Variants in DCHS2 observed in about 807,000 individuals in gnomAD.
DCHS2 encodes the protein dachsous cadherin-related 2.
A neutral mutation model predicts 182.4 loss-of-function variants in DCHS2; 142 were observed. The ratio of observed to expected loss-of-function variants is 0.78; its 90% CI spans 0.68 to 0.89. The LOEUF (loss-of-function observed/expected upper bound fraction) is 0.89. Ranked by LOEUF, DCHS2 falls within the 40% of genes least tolerant of loss-of-function variation. DCHS2 has a pLI of 0.00. For synonymous variants in DCHS2, 1,740 were observed against 1,663.3 expected (o/e 1.05, Z -1.12); for missense variants, 4,319 against 4,198.6 (o/e 1.03, Z -0.79).
intron 1 of DCHS2, among the ~76,000 whole-genome samples, chr4:154,434,959 G>A (rs1245878360): frequency 3.3e-5 from 5 of 152,114 alleles, no homozygotes; most frequent in Non-Finnish European, 7.3e-5. Flanking sequence ...AGGGAGACAT[G>A]CTGCATAAAG....
intron 1 of DCHS2, chr4:154,486,411 A>T: frequency 7.7e-7 from 1 of 1,304,024 alleles, no homozygotes; most frequent in South Asian, 1.2e-5. Flanking sequence ...GTTTGTTTTT[A>T]TCAGATGACA....
intron 1 of DCHS2, among the ~76,000 whole-genome samples, chr4:154,487,985 C>T (rs947017340): frequency 2.6e-5 from 4 of 151,978 alleles, no homozygotes; most frequent in African/African-American, 9.7e-5. Flanking sequence ...CGAGACCAGC[C>T]TGGGGAACAC....
chr4:154,286,923 C>T (rs2111249832), intron 13 of DCHS2, among the ~76,000 whole-genome samples: 1 of 152,106 alleles, frequency 6.6e-6, no homozygotes, highest in South Asian at 2.1e-4. Context: ...AATAAACTCC[C>T]AAATGTCAAG....
intron 7 of DCHS2, chr4:154,323,058 T>G (rs539743147): frequency 2.7e-4 from 203 of 755,224 alleles, no homozygotes; most frequent in African/African-American, 2.6e-3. Context: ...AATCTATGGA[T>G]TCCTGCCACC....
chr4:154,401,288 G>T (rs990636004), intron 1 of DCHS2, among the ~76,000 whole-genome samples: 3 of 152,098 alleles, frequency 2.0e-5, no homozygotes, highest in Non-Finnish European at 4.4e-5. Context: ...ACGGACATCT[G>T]TTATTTCCAT....
chr4:154,370,260 T>A (rs1329393073), intron 2 of DCHS2, among the ~76,000 whole-genome samples: 2 of 151,328 alleles, frequency 1.3e-5, no homozygotes, highest in Non-Finnish European at 3.0e-5. Context: ...TAAAAATAAA[T>A]AAAGAATCCC....
chr4:154,423,000 A>G (rs1733173575), intron 1 of DCHS2, among the ~76,000 whole-genome samples: 2 of 152,224 alleles, frequency 1.3e-5, no homozygotes, highest in Non-Finnish European at 2.9e-5. Context: ...TAACAGTGTT[A>G]TAACTGTTAA....
chr4:154,244,664 T>C (rs1731991843), intron 16 of DCHS2, among the ~76,000 whole-genome samples: 1 of 152,188 alleles, frequency 6.6e-6, no homozygotes, highest in African/African-American at 2.4e-5. Context: ...TCCTTCTTGG[T>C]TTGAATTCCA....
intron 1 of DCHS2, among the ~76,000 whole-genome samples, chr4:154,413,918 G>C (rs1732726124): frequency 6.6e-6 from 1 of 152,070 alleles, no homozygotes; most frequent in Non-Finnish European, 1.5e-5. Flanking sequence ...TAATTTGCAT[G>C]CTCTGTCTTC....
chr4:154,345,559 A>G (rs557239380), intron 3 of DCHS2, among the ~76,000 whole-genome samples: 60 of 152,356 alleles, frequency 3.9e-4, no homozygotes, highest in African/African-American at 1.3e-3. Flanking sequence ...AGTCCTAATT[A>G]TGCCACCCTT....
chr4:154,447,668 G>A (rs965405234), intron 1 of DCHS2, among the ~76,000 whole-genome samples: 6 of 152,164 alleles, frequency 3.9e-5, no homozygotes, highest in Non-Finnish European at 7.4e-5. Context: ...GTATTCTCAA[G>A]AGGGCTTTAA....
Position 154,489,875 on chromosome 4 carries a change from TC to T in DCHS2, c.1480del (p.Glu494ArgfsTer26). The T allele has an allele frequency of 6.5e-7, 1 of 1,543,230 alleles. No individual in the cohort carries two copies. Among genetic ancestry groups the T allele is most frequent in the Non-Finnish European group, 8.8e-7 (1 of 1,141,578 alleles). ...GPPGVFFLCVEGPLDRESRDL... is the reference protein window; with the variant it reads ...GPPGVFFLCVXGPLDRESRDL... ...GCGGCTCTCTCTGTCCAGGGGCCCC[TC>T]CACGCAAAGGAAAAATACCCCTGGG... On this transcript the variant is annotated frameshift_variant, in exon 1 of 20. Coordinates refer to ENST00000357232, the MANE Select transcript of DCHS2 (RefSeq NM_001358235.2). LOFTEE classifies it high-confidence loss of function.
At chr4:154,297,523 A>C (rs1169728128) in intron 13 of DCHS2, among the ~76,000 whole-genome samples, 1 of 152,246 alleles carries the variant, frequency 6.6e-6, no homozygotes, top group African/African-American at 2.4e-5. Flanking sequence ...GGAACTAAGA[A>C]CAACTCTGAC....
chr4:154,459,497 G>A (rs753370201), intron 1 of DCHS2, among the ~76,000 whole-genome samples: 25 of 152,042 alleles, frequency 1.6e-4, no homozygotes, highest in Admixed American at 8.5e-4. Flanking sequence ...CCCGACCACC[G>A]TCCCCACAAA....
chr4:154,297,268 C>T (rs535263826), intron 13 of DCHS2, among the ~76,000 whole-genome samples: 42 of 152,240 alleles, frequency 2.8e-4, no homozygotes, highest in African/African-American at 9.9e-4. Context: ...ACTTTTAGTT[C>T]GCCTCTCAAT....
At chr4:154,348,453 A>C (rs2111401119) in intron 3 of DCHS2, among the ~76,000 whole-genome samples, 1 of 152,076 alleles carries the variant, frequency 6.6e-6, no homozygotes, top group East Asian at 1.9e-4. Context: ...TAATATAGTA[A>C]GTTGGATCAT....
At chr4:154,354,834 A>C (rs1396665062) in intron 3 of DCHS2, 1 of 152,168 alleles carries the variant, frequency 6.6e-6, no homozygotes, top group Non-Finnish European at 1.5e-5. Context: ...TCATGAATGC[A>C]TGAAGCGAGT....
chr4:154,429,601 C>T (rs1279335786), intron 1 of DCHS2, among the ~76,000 whole-genome samples: 2 of 152,162 alleles, frequency 1.3e-5, no homozygotes, highest in Admixed American at 6.5e-5. Context: ...GCCATCTGAC[C>T]CAGCTCTCCC....
intron 1 of DCHS2, among the ~76,000 whole-genome samples, chr4:154,469,463 T>C (rs116750759): frequency 1.7e-3 from 256 of 152,342 alleles, no homozygotes; most frequent in African/African-American, 5.7e-3. Context: ...ATTTCTCTAC[T>C]GTATTCTCAT....
Sources: gnomAD v4.1 joint callset for allele counts (sites outside exome capture counted in the v4.1 genomes callset) on GRCh38, gnomAD v4.1.1 for gene constraint, MANE v1.5 for transcripts, NCBI Gene and HGNC (gene_info 2026-07-23, HGNC 2026-07-21) for gene names.